Variants in ITPR1 observed in about 807,000 individuals in gnomAD.
ITPR1 encodes inositol 1,4,5-trisphosphate receptor type 1.
In ITPR1, 96 loss-of-function variants were observed where a neutral mutation model predicts 318.4. That is an observed-to-expected ratio of 0.30 (90% CI 0.26 to 0.36). The LOEUF (loss-of-function observed/expected upper bound fraction) is 0.36. Among genes scored for constraint, ITPR1 ranks in the 10% least tolerant of loss-of-function variants. The probability of loss-of-function intolerance (pLI) is 1.00; values close to 1 mark genes in which losing one functional copy is unlikely to be tolerated. For synonymous variants in ITPR1, 1,312 were observed against 1,289.9 expected (o/e 1.02, Z -0.37); for missense variants, 2,440 against 3,460.2 (o/e 0.71, Z 7.40).
At chr3:4,793,273 C>T (rs1363050254) in intron 52 of ITPR1, among the ~76,000 whole-genome samples, 1 of 152,204 alleles carries the variant, frequency 6.6e-6, no homozygotes, top group Non-Finnish European at 1.5e-5. Flanking sequence ...TCCTGCAGTA[C>T]ACGCACTCAC....
intron 44 of ITPR1, among the ~76,000 whole-genome samples, chr3:4,737,779 T>C (rs533227239): frequency 6.6e-6 from 1 of 152,298 alleles, no homozygotes; most frequent in Admixed American, 6.5e-5. Flanking sequence ...GTTCATATCT[T>C]GGGAGAGGAT....
chr3:4,643,591 GT>G (rs898058374), intron 7 of ITPR1, among the ~76,000 whole-genome samples: 5 of 50,930 alleles, frequency 9.8e-5, no homozygotes, highest in South Asian at 1.9e-3. Context: ...GATAAGTATT[GT>G]TTTTTTGGGG....
At position 4,735,334 on chromosome 3, in the gene ITPR1, G is replaced by A; in HGVS notation, c.5524G>A (p.Gly1842Arg). Residue 1842 changes from glycine to arginine, a missense_variant, in exon 44 of 62, where the codon GGA (glycine) becomes AGA (arginine). Physicochemically the swap from Gly to Arg is moderately radical, Grantham distance 125. This residue lies in a region of ITPR1 where 80 missense variants were observed against 122.0 expected (regional missense o/e 0.66). Coordinates refer to ENST00000649015, the MANE Select transcript of ITPR1 (RefSeq NM_001378452.1). ...SILLAIALLE[G>R]GNTTIQHSFF... ...TCTCCTGGCCATTGCCCTTCTGGAA[G>A]GAGGCAACACCACCATCCAGGTAGG... 1.2e-6 allele frequency: 2 copies of A among 1,613,896 alleles called. No homozygotes were observed. The highest frequency in any genetic ancestry group is 1.7e-6 in the Non-Finnish European group (2 of 1,179,820).
At chr3:4,531,477 A>G (rs1277587839) in intron 4 of ITPR1, among the ~76,000 whole-genome samples, 1 of 152,136 alleles carries the variant, frequency 6.6e-6, no homozygotes, top group African/African-American at 2.4e-5. Flanking sequence ...GAATCAGCAC[A>G]GGTCTGAAGA....
In ITPR1 at chr3:4,702,916, C is replaced by T. The variant is rs34748547; in HGVS notation, c.4623C>T (p.Ser1541=). Residue 1541 remains serine, a synonymous_variant, in exon 36 of 62, where the codon TCC becomes TCT. Transcript: ENST00000649015. ...CNWLMPSQKA[S]VESCIRVLSD... is the part of the protein sequence containing the mutation. ...GGTTAATGCCAAGCCAAAAAGCCTC[C>T]GTGGAGAGCTGTATTCGGGTGCTGT... The T allele has an allele frequency of 2.8e-3, 4,450 of 1,613,898 alleles. 104 individuals are homozygous for T. The African/African-American group carries it at 0.047, about 17-fold the overall frequency.
At chr3:4,566,241 C>G (rs2087236801) in intron 4 of ITPR1, among the ~76,000 whole-genome samples, 2 of 152,208 alleles carry the variant, frequency 1.3e-5, no homozygotes. Flanking sequence ...TTCATTCCTT[C>G]CCCTGTTGGA....
At chr3:4,748,563 C>G (rs1213639995) in intron 44 of ITPR1, among the ~76,000 whole-genome samples, 1 of 152,098 alleles carries the variant, frequency 6.6e-6, no homozygotes, top group African/African-American at 2.4e-5. Flanking sequence ...AAGGCTCTTC[C>G]TCAGTTATCG....
intron 4 of ITPR1, among the ~76,000 whole-genome samples, chr3:4,600,352 C>G (rs2091176422): frequency 6.6e-6 from 1 of 152,128 alleles, no homozygotes; most frequent in Non-Finnish European, 1.5e-5. Flanking sequence ...TGTATTGATT[C>G]TGTGATTCTA....
intron 5 of ITPR1, among the ~76,000 whole-genome samples, chr3:4,628,873 C>T (rs6762740): frequency 2.0e-5 from 3 of 152,172 alleles, no homozygotes; most frequent in Non-Finnish European, 4.4e-5. Context: ...GCCCCAAGCA[C>T]CTCAAGAGGT....
At chr3:4,667,586 C>G (rs2125202158) in intron 18 of ITPR1, 37 bp downstream of exon 18, 1 of 1,578,552 alleles carries the variant, frequency 6.3e-7, no homozygotes, top group Non-Finnish European at 8.6e-7. Context: ...GATGGTGTCT[C>G]TGCCTGTAAG....
At chr3:4,765,541 G>A (rs987640889) in intron 44 of ITPR1, among the ~76,000 whole-genome samples, 5 of 152,166 alleles carry the variant, frequency 3.3e-5, no homozygotes, top group African/African-American at 1.2e-4. Context: ...TAAGATTTAA[G>A]TTCTTTCTGG....
chr3:4,498,114 A>G (rs1204464433), intron 2 of ITPR1, among the ~76,000 whole-genome samples: 5 of 152,182 alleles, frequency 3.3e-5, no homozygotes, highest in Non-Finnish European at 7.3e-5. Flanking sequence ...AGTTCTGGAA[A>G]TGGATGGTGG....
At chr3:4,728,555 A>G (rs113979980) in intron 42 of ITPR1, among the ~76,000 whole-genome samples, 2,019 of 152,350 alleles carry the variant, frequency 0.013, 26 homozygotes, top group Middle Eastern at 0.037. Context: ...AGAATGGGGT[A>G]TCCATCCCCT....
In ITPR1 at chr3:4,809,182, G is replaced by A. The variant is rs549185001; in HGVS notation, c.7273-2083G>A. ...CTAGTGGTGAATGTAAACTGATCCT[G>A]CCTTTCTGAAAGCAGCAGGCAAAAT... is the stretch of plus-strand genomic sequence containing the variant. On this transcript the variant is annotated intron_variant, in intron 55 of 61. Transcript: ENST00000649015. Among the ~76,000 whole-genome samples, 6 of 152,274 alleles carry A rather than the reference G, an allele frequency of 3.9e-5. No individual in the cohort carries two copies. The South Asian group carries it at 1.2e-3, about 32-fold the overall frequency.
At chr3:4,789,730 C>T (rs1356511804) in intron 52 of ITPR1, among the ~76,000 whole-genome samples, 1 of 152,220 alleles carries the variant, frequency 6.6e-6, no homozygotes, top group East Asian at 1.9e-4. Context: ...AGCGATTCCC[C>T]TGCCTTAGCC....
At chr3:4,799,992 G>T (rs530007153) in intron 53 of ITPR1, 176 of 160,330 alleles carry the variant, frequency 1.1e-3, no homozygotes, top group Non-Finnish European at 4.9e-4. Context: ...GTGAGTACCT[G>T]CCAGGCACCA....
intron 2 of ITPR1, among the ~76,000 whole-genome samples, chr3:4,506,328 T>C (rs939889294): frequency 5.9e-5 from 9 of 152,210 alleles, no homozygotes; most frequent in Non-Finnish European, 1.3e-4. Context: ...TTTGCTAAGC[T>C]CTTTTCTGCT....
intron 35 of ITPR1, among the ~76,000 whole-genome samples, chr3:4,701,220 C>G (rs2094645996): frequency 6.6e-6 from 1 of 152,342 alleles, no homozygotes; most frequent in East Asian, 1.9e-4. Context: ...ACACTGCTTT[C>G]TTTGAGCTGG....
intron 44 of ITPR1, among the ~76,000 whole-genome samples, chr3:4,739,183 T>C (rs2043517726): frequency 6.6e-6 from 1 of 152,036 alleles, no homozygotes; most frequent in Non-Finnish European, 1.5e-5. Flanking sequence ...TGGTTCAGAG[T>C]AGTAAGTGGC....
Sources: allele counts gnomAD v4.1 joint callset (sites outside exome capture counted in the v4.1 genomes callset), GRCh38; gene constraint gnomAD v4.1.1; regional missense constraint gnomAD v4.1.1; transcripts MANE v1.5; gene names NCBI Gene and HGNC (gene_info 2026-07-23, HGNC 2026-07-21).